Variants in FARS2 observed in about 807,000 individuals in gnomAD.
FARS2 encodes the protein phenylalanyl-tRNA synthetase 2, mitochondrial.
A neutral mutation model predicts 46.4 loss-of-function variants in FARS2; 40 were observed. That is an observed-to-expected ratio of 0.86 (90% CI 0.67 to 1.12). The LOEUF (loss-of-function observed/expected upper bound fraction) is 1.12. Among genes scored for constraint, FARS2 ranks in the 50% most tolerant of loss-of-function variants. FARS2 has a pLI of 0.00. For missense variants in FARS2, 513 were observed against 567.9 expected, an observed-to-expected ratio of 0.90 and a Z score of 0.98; for synonymous variants, 234 against 214.9, an observed-to-expected ratio of 1.09 and a Z score of -0.78.
chr6:5,446,911 G>A (rs1269772790), intron 4 of FARS2, among the ~76,000 whole-genome samples: 3 of 152,110 alleles, frequency 2.0e-5, no homozygotes, highest in Non-Finnish European at 2.9e-5. Flanking sequence ...AGGGAGAGGC[G>A]GCACTGTGTG....
rs145799670 is a variant in FARS2 at position 5,296,514 on chromosome 6, A to G, written c.-22+34854A>G. On this transcript the variant is annotated intron_variant, in intron 1 of 6. Transcript: ENST00000274680. ...ATGGTCTCATGTAACCATCACCACTACCCATCTCTAGAACTTTATCATCTT... is the reference window on the plus strand; with the variant it reads ...ATGGTCTCATGTAACCATCACCACTGCCCATCTCTAGAACTTTATCATCTT... Among the ~76,000 whole-genome samples the G allele has an allele frequency of 2.1e-3, 314 of 152,114 alleles. 2 individuals are homozygous for G. The highest frequency in any genetic ancestry group is 7.3e-3 in the African/African-American group (303 of 41,502).
At chr6:5,317,155 A>G (rs1433669230) in intron 1 of FARS2, among the ~76,000 whole-genome samples, 1 of 152,230 alleles carries the variant, frequency 6.6e-6, no homozygotes. Context: ...TCCGGCATCT[A>G]CAGTTACAGC....
chr6:5,545,164 T>A lies in FARS2; in HGVS notation c.905-16T>A. The A allele has an allele frequency of 6.2e-7, 1 of 1,613,380 alleles. No homozygotes were observed. Reference sequence around the variant, plus strand: ...CGATACTTTTTAAAAACAACTATTTTGTTTCCTAATCACAGCTGGTGCTCA... The same window carrying A: ...CGATACTTTTTAAAAACAACTATTTAGTTTCCTAATCACAGCTGGTGCTCA... On this transcript the variant is annotated splice_polypyrimidine_tract_variant and intron_variant, in intron 4 of 6. Transcript: ENST00000274680.
intron 5 of FARS2, among the ~76,000 whole-genome samples, chr6:5,583,650 C>T (rs77757738): frequency 0.16 from 24,732 of 151,078 alleles, 2,311 homozygotes; most frequent in East Asian, 0.41. Context: ...TTTTTAAAAA[C>T]CTATTACATA....
intron 6 of FARS2, among the ~76,000 whole-genome samples, chr6:5,663,412 A>G (rs986388002): frequency 6.6e-6 from 1 of 152,234 alleles, no homozygotes; most frequent in Admixed American, 6.5e-5. Flanking sequence ...AAGATCTGGC[A>G]TTATTCAAAG....
chr6:5,582,103 G>T (rs1487620871), intron 5 of FARS2, among the ~76,000 whole-genome samples: 1 of 139,232 alleles, frequency 7.2e-6, no homozygotes, highest in African/African-American at 2.7e-5. Context: ...TTCCTGATGC[G>T]CTTCTATAAA....
upstream of FARS2, chr6:5,260,587 C>A: frequency 7.7e-7 from 1 of 1,303,692 alleles, no homozygotes; most frequent in Non-Finnish European, 1.1e-6. Flanking sequence ...CGCGTCAGCC[C>A]GCACCCCCGG....
At position 5,471,626 on chromosome 6, in the gene FARS2, A is replaced by T. The variant is rs1330601434; in HGVS notation, c.904+40454A>T. ...CTTTTAACCAACAAAGGCCCTTAAG[A>T]AAAGGAAAATGAAAAATAAATAGCA... is the stretch of plus-strand genomic sequence containing the variant. On this transcript the variant is annotated intron_variant, in intron 4 of 6. Coordinates refer to ENST00000274680, the MANE Select transcript of FARS2 (RefSeq NM_006567.5). This position sits in a 1 kb window ranked among gnomAD's most constrained non-coding sequence, Gnocchi z 4.1. Among the ~76,000 whole-genome samples the T allele has an allele frequency of 6.6e-6, 1 of 152,234 alleles. No homozygotes were observed. Among genetic ancestry groups the T allele is most frequent in the Non-Finnish European group, 1.5e-5 (1 of 68,036 alleles).
chr6:5,536,312 T>C (rs1770197099), intron 4 of FARS2, among the ~76,000 whole-genome samples: 1 of 152,194 alleles, frequency 6.6e-6, no homozygotes, highest in Admixed American at 6.5e-5. Flanking sequence ...AATACAGGCG[T>C]GAGCCACCGT....
intron 1 of FARS2, among the ~76,000 whole-genome samples, chr6:5,283,954 C>T (rs1037878588): frequency 3.3e-5 from 5 of 152,096 alleles, no homozygotes; most frequent in South Asian, 2.1e-4. Flanking sequence ...TATTGCTTGC[C>T]GAAATAAAGG....
chr6:5,376,228 C>T (rs1015376744), intron 2 of FARS2, among the ~76,000 whole-genome samples: 9 of 152,188 alleles, frequency 5.9e-5, no homozygotes, highest in African/African-American at 1.9e-4. Flanking sequence ...ATGTCATACT[C>T]ATATACTTTT....
intron 4 of FARS2, among the ~76,000 whole-genome samples, chr6:5,481,005 A>G (rs968613401): frequency 6.6e-6 from 1 of 152,268 alleles, no homozygotes; most frequent in South Asian, 2.1e-4. Flanking sequence ...AAAATTAAAA[A>G]TGAAAGCACT....
intron 6 of FARS2, among the ~76,000 whole-genome samples, chr6:5,648,060 C>T (rs1777164054): frequency 6.6e-6 from 1 of 152,332 alleles, no homozygotes; most frequent in African/African-American, 2.4e-5. Context: ...AGGCACACTG[C>T]CTTCTGGACT....
intron 3 of FARS2, among the ~76,000 whole-genome samples, chr6:5,405,399 A>G (rs1288142325): frequency 3.3e-5 from 5 of 151,802 alleles, no homozygotes; most frequent in Non-Finnish European, 7.4e-5. Context: ...AGTCTCATCA[A>G]TGGAGTGAAA....
intron 1 of FARS2, among the ~76,000 whole-genome samples, chr6:5,278,931 G>C (rs1766524113): frequency 1.3e-5 from 2 of 152,230 alleles, no homozygotes; most frequent in South Asian, 4.1e-4. Context: ...TGCACAACAA[G>C]ACAGGTGGCT....
chr6:5,585,713 A>G (rs1773575566), intron 5 of FARS2, among the ~76,000 whole-genome samples: 1 of 151,800 alleles, frequency 6.6e-6, no homozygotes, highest in Non-Finnish European at 1.5e-5. Context: ...TAATATTCAA[A>G]TATAATCCAT....
intron 5 of FARS2, among the ~76,000 whole-genome samples, chr6:5,604,470 G>C (rs1405773741): frequency 6.6e-6 from 1 of 152,174 alleles, no homozygotes; most frequent in Non-Finnish European, 1.5e-5. Flanking sequence ...AAAGGCAGGG[G>C]TGGCAGCAGG....
intron 3 of FARS2, among the ~76,000 whole-genome samples, chr6:5,430,569 A>AAT (rs1582081966): frequency 6.6e-6 from 1 of 151,404 alleles, no homozygotes. Context: ...ACTTAAAAAT[A>AAT]ATATATATAT....
intron 4 of FARS2, among the ~76,000 whole-genome samples, chr6:5,515,550 T>G (rs1018467889): frequency 2.6e-5 from 4 of 152,208 alleles, no homozygotes; most frequent in African/African-American, 9.7e-5. Flanking sequence ...TGCCTCAGCT[T>G]CCCAAGTAGT....
Sources: allele counts gnomAD v4.1 joint callset (sites outside exome capture counted in the v4.1 genomes callset), GRCh38; gene constraint gnomAD v4.1.1; non-coding constraint Gnocchi (gnomAD v3.1); transcripts MANE v1.5; gene names NCBI Gene and HGNC (gene_info 2026-07-23, HGNC 2026-07-21).